The following PCDHA12 variants were observed in gnomAD, a reference collection of about 807,000 sequenced individuals.
PCDHA12 encodes protocadherin alpha-12.
In PCDHA12, 44 loss-of-function variants were observed where a neutral mutation model predicts 60.0. That is an observed-to-expected ratio of 0.73 (90% CI 0.58 to 0.94). The LOEUF is 0.94. PCDHA12 is among the 40% of genes least tolerant of loss of function. The probability of loss-of-function intolerance (pLI) is 0.00; values close to 1 mark genes in which losing one functional copy is unlikely to be tolerated. For synonymous variants in PCDHA12, 569 were observed against 553.0 expected, an observed-to-expected ratio of 1.03 and a Z score of -0.40; for missense variants, 1,276 against 1,239.7, an observed-to-expected ratio of 1.03 and a Z score of -0.44.
rs781957201 is a variant in PCDHA12 at position 140,876,989 on chromosome 5, G to T, written c.1517G>T (p.Ser506Ile). 1.2e-6 allele frequency: 2 copies of T among 1,612,664 alleles called. No individual in the cohort carries two copies. The highest frequency in any genetic ancestry group is 1.1e-5 in the South Asian group (1 of 91,024). The change falls in exon 1 of 4, where the codon AGC (serine) becomes ATC (isoleucine). Residue 506 changes from serine (S) to isoleucine (I), a missense_variant. By Grantham distance (142) the Ser-to-Ile change is moderately radical. Coordinates refer to ENST00000398631, the MANE Select transcript of PCDHA12 (RefSeq NM_018903.4). Reference protein sequence around the residue: ...ERRVGEHALSSYVSVHAESGK... With the variant: ...ERRVGEHALSIYVSVHAESGK... ...CGGGTGGGCGAGCACGCACTGTCGA[G>T]CTACGTGTCGGTGCACGCGGAGAGC...
At position 140,875,686 on chromosome 5, in the gene PCDHA12, G is replaced by C. The variant is rs17844351; in HGVS notation, c.214G>C (p.Gly72Arg). ...RLFRVASKRH[G>R]DLLEVNLQNG... ...GTTCCGGGTGGCGTCCAAAAGACAC[G>C]GGGACCTTCTGGAGGTAAATCTGCA... Residue 72 changes from glycine (G) to arginine (R), a missense_variant, in exon 1 of 4, where the codon GGG becomes CGG. Coordinates refer to ENST00000398631, the MANE Select transcript of PCDHA12 (RefSeq NM_018903.4). 35,932 of 1,613,570 alleles carry C rather than the reference G, an allele frequency of 0.022. 480 individuals are homozygous for C. Among genetic ancestry groups the C allele is most frequent in the East Asian group, 0.061 (2,728 of 44,874 alleles).
chr5:140,993,811 G>A (rs1554253953), intron 3 of PCDHA12, among the ~76,000 whole-genome samples: 3 of 152,154 alleles, frequency 2.0e-5, no homozygotes, highest in African/African-American at 2.4e-5. Flanking sequence ...TGTAGCCTAG[G>A]AGCAATAGGC....
intron 1 of PCDHA12, among the ~76,000 whole-genome samples, chr5:140,962,051 T>G (rs1352018533): frequency 6.6e-6 from 1 of 151,838 alleles, no homozygotes; most frequent in East Asian, 1.9e-4. Context: ...GCCTGGCTAA[T>G]TTTTTTGTAT....
At chr5:141,001,276 T>C (rs2098003991) in intron 3 of PCDHA12, among the ~76,000 whole-genome samples, 1 of 152,210 alleles carries the variant, frequency 6.6e-6, no homozygotes. Context: ...GAACTTTTTT[T>C]ACGGATGAAA....
chr5:140,940,413 A>G (rs2092607327), intron 1 of PCDHA12, among the ~76,000 whole-genome samples: 1 of 152,166 alleles, frequency 6.6e-6, no homozygotes, highest in East Asian at 1.9e-4. Context: ...TTTAAAAATT[A>G]TAATTATTAC....
rs1038142877 is a variant in PCDHA12 at position 140,877,276 on chromosome 5, G to A, written c.1804G>A (p.Gly602Ser). 5 of 1,613,744 alleles carry A rather than the reference G, an allele frequency of 3.1e-6. No individual in the cohort carries two copies. The highest frequency in any genetic ancestry group is 1.7e-5 in the Admixed American group (1 of 59,994). Reference sequence around the variant, plus strand: ...AGTGCGCGCGGTGGACGCTGACTCCGGCTATAACGCTTGGCTGTCCTACGA... The same window carrying A: ...AGTGCGCGCGGTGGACGCTGACTCCAGCTATAACGCTTGGCTGTCCTACGA... ...AKVRAVDADS[G>S]YNAWLSYELQ... Residue 602 changes from glycine to serine, a missense_variant, in exon 1 of 4, where the codon GGC becomes AGC. By Grantham distance (56) the Gly-to-Ser change is moderately conservative. Transcript: ENST00000398631.
chr5:140,882,816 A>C, intron 1 of PCDHA12: 3 of 1,614,266 alleles, frequency 1.9e-6, no homozygotes, highest in Non-Finnish European at 2.5e-6. Flanking sequence ...TTGGACGCAC[A>C]AAACAGTCTT....
chr5:140,892,477 A>G (rs2063535340), intron 1 of PCDHA12, among the ~76,000 whole-genome samples: 1 of 152,220 alleles, frequency 6.6e-6, no homozygotes, highest in South Asian at 2.1e-4. Context: ...TCAGTTTCCT[A>G]GCCAAACATG....
At chr5:140,965,143 G>A (rs1451263269) in intron 1 of PCDHA12, among the ~76,000 whole-genome samples, 1 of 152,230 alleles carries the variant, frequency 6.6e-6, no homozygotes, top group Admixed American at 6.5e-5. Context: ...AGAATACTGG[G>A]AGATGAAGAG....
intron 3 of PCDHA12, among the ~76,000 whole-genome samples, chr5:140,995,674 AT>A (rs1240189428): frequency 1.3e-5 from 2 of 151,994 alleles, no homozygotes; most frequent in Non-Finnish European, 2.9e-5. Flanking sequence ...TAAATGCAGC[AT>A]TTTTTTTAAT....
chr5:141,006,646 A>G (rs1478861419), intron 3 of PCDHA12, among the ~76,000 whole-genome samples: 1 of 152,206 alleles, frequency 6.6e-6, no homozygotes, highest in African/African-American at 2.4e-5. Flanking sequence ...ATAAGAGATG[A>G]TGGTGTCCTG....
chr5:140,916,582 A>G (rs1191941149), intron 1 of PCDHA12, among the ~76,000 whole-genome samples: 7 of 152,188 alleles, frequency 4.6e-5, no homozygotes, highest in Non-Finnish European at 1.0e-4. Flanking sequence ...AATGTCATCC[A>G]TGAGCTAGGG....
intron 1 of PCDHA12, among the ~76,000 whole-genome samples, chr5:140,951,337 G>C (rs1346350844): frequency 6.6e-6 from 1 of 151,970 alleles, no homozygotes; most frequent in Non-Finnish European, 1.5e-5. Context: ...CATTCTGTTT[G>C]TGTTAGTCCA....
chr5:140,876,313 A>T lies in PCDHA12; in HGVS notation c.841A>T (p.Ile281Phe). Residue 281 changes from isoleucine to phenylalanine, a missense_variant, in exon 1 of 4, where the codon ATC becomes TTC. By Grantham distance (21) the Ile-to-Phe change is conservative. Transcript: ENST00000398631. Reference protein sequence around the residue: ...EGLNGEISYGIKMILPVSEKC... With the variant: ...EGLNGEISYGFKMILPVSEKC... Reference sequence around the variant, plus strand: ...ACTTAATGGAGAAATTTCCTATGGGATCAAAATGATTTTGCCAGTGAGTGA... The same window carrying T: ...ACTTAATGGAGAAATTTCCTATGGGTTCAAAATGATTTTGCCAGTGAGTGA... The T allele has an allele frequency of 6.2e-7, 1 of 1,614,022 alleles. No individual in the cohort carries two copies. Among genetic ancestry groups the T allele is most frequent in the East Asian group, 2.2e-5 (1 of 44,886 alleles).
chr5:140,943,616 C>T (rs1221074220), intron 1 of PCDHA12, among the ~76,000 whole-genome samples: 3 of 152,048 alleles, frequency 2.0e-5, no homozygotes, highest in African/African-American at 7.3e-5. Context: ...TTTGATTCAT[C>T]TGCATAAGGA....
intron 1 of PCDHA12, among the ~76,000 whole-genome samples, chr5:140,973,210 C>T (rs112667484): frequency 0.028 from 4,273 of 152,266 alleles, 188 homozygotes; most frequent in African/African-American, 0.096. Flanking sequence ...CATATTCACC[C>T]TAATTCCAGG....
At chr5:140,888,673 A>T (rs571585641) in intron 1 of PCDHA12, among the ~76,000 whole-genome samples, 1 of 152,298 alleles carries the variant, frequency 6.6e-6, no homozygotes, top group Admixed American at 6.5e-5. Context: ...TGCCCTGTGC[A>T]TTAAGAGGTC....
At chr5:140,926,888 G>A in intron 1 of PCDHA12, 1 of 1,544,494 alleles carries the variant, frequency 6.5e-7, no homozygotes, top group Non-Finnish European at 8.7e-7. Flanking sequence ...ACGCCTAGAG[G>A]GAGGATGGTG....
chr5:140,901,493 G>A (rs1407022584), intron 1 of PCDHA12, among the ~76,000 whole-genome samples: 7 of 152,016 alleles, frequency 4.6e-5, no homozygotes, highest in Admixed American at 3.9e-4. Flanking sequence ...CACCTTCATC[G>A]AAAATGAGTT....
Sources: gnomAD v4.1 joint callset for allele counts (sites outside exome capture counted in the v4.1 genomes callset) on GRCh38, gnomAD v4.1.1 for gene constraint, MANE v1.5 for transcripts, NCBI Gene and HGNC (gene_info 2026-07-23, HGNC 2026-07-21) for gene names.